The following CCDC60 variants were observed in gnomAD, a reference collection of about 807,000 sequenced individuals.
The protein encoded by CCDC60 is coiled-coil domain-containing protein 60.
Under a neutral mutation model 63.5 loss-of-function variants are expected in CCDC60, and 54 were observed. The ratio of observed to expected loss-of-function variants is 0.85; its 90% CI spans 0.68 to 1.07. The LOEUF (loss-of-function observed/expected upper bound fraction) is 1.07. Ranked by LOEUF, CCDC60 falls within the 50% of genes least tolerant of loss-of-function variation. CCDC60 has a pLI of 0.00. For missense variants in CCDC60, 651 were observed against 684.3 expected (o/e 0.95, Z 0.54); for synonymous variants, 206 against 238.8 (o/e 0.86, Z 1.27).
intron 1 of CCDC60, among the ~76,000 whole-genome samples, chr12:119,364,082 C>A (rs1442447711): frequency 6.6e-6 from 1 of 152,196 alleles, no homozygotes; most frequent in African/African-American, 2.4e-5. Flanking sequence ...CTAACTGCCA[C>A]AACCTACTCA....
chr12:119,431,659 CTGTGTT>C (rs1209818910), intron 2 of CCDC60, among the ~76,000 whole-genome samples: 1 of 150,210 alleles, frequency 6.7e-6, no homozygotes, highest in Admixed American at 6.7e-5. Flanking sequence ...TTTTGTTTTT[CTGTGTT>C]TGTGTTTGTT....
intron 2 of CCDC60, among the ~76,000 whole-genome samples, chr12:119,470,833 C>T (rs984653030): frequency 5.9e-5 from 9 of 152,134 alleles, no homozygotes; most frequent in Non-Finnish European, 1.5e-5. Flanking sequence ...CATCATGTAT[C>T]TCTCTCTCCC....
intron 2 of CCDC60, among the ~76,000 whole-genome samples, chr12:119,462,008 C>G (rs1055117047): frequency 1.3e-5 from 2 of 152,180 alleles, no homozygotes; most frequent in Non-Finnish European, 2.9e-5. Flanking sequence ...GACATGAAGG[C>G]CCAGACCCTC....
intron 2 of CCDC60, among the ~76,000 whole-genome samples, chr12:119,441,728 G>C (rs1441491304): frequency 6.6e-6 from 1 of 152,198 alleles, no homozygotes; most frequent in Non-Finnish European, 1.5e-5. Context: ...CTTGGAGTCT[G>C]TTCTCTCTCA....
intron 2 of CCDC60, among the ~76,000 whole-genome samples, chr12:119,434,850 A>G (rs1950297784): frequency 6.6e-6 from 1 of 152,084 alleles, no homozygotes; most frequent in Non-Finnish European, 1.5e-5. Context: ...CTCAGCCCAC[A>G]CGCTGCCTTG....
intron 1 of CCDC60, among the ~76,000 whole-genome samples, chr12:119,370,306 T>C (rs988789438): frequency 6.6e-6 from 1 of 152,224 alleles, no homozygotes; most frequent in Non-Finnish European, 1.5e-5. Context: ...AGGCAGACAG[T>C]GCGCCCCGTG....
chr12:119,533,458 A>G (rs11064824), intron 13 of CCDC60, among the ~76,000 whole-genome samples: 20,070 of 152,078 alleles, frequency 0.13, 1,375 homozygotes, highest in East Asian at 0.24. Context: ...TTTTGTTGCC[A>G]TTGCTTTTGG....
intron 12 of CCDC60, among the ~76,000 whole-genome samples, chr12:119,529,983 T>C (rs1184111062): frequency 6.6e-6 from 1 of 152,178 alleles, no homozygotes; most frequent in Non-Finnish European, 1.5e-5. Flanking sequence ...TGTTGAGTTG[T>C]AGTTGTTCAT....
At chr12:119,500,055 T>A (rs755987121) in intron 5 of CCDC60, 23 bp from the exon 6 acceptor site, 2 of 1,519,114 alleles carry the variant, frequency 1.3e-6, no homozygotes, top group Non-Finnish European at 1.8e-6. Flanking sequence ...AACGGAAAAC[T>A]CATTAAGCTG....
At chr12:119,505,044 C>A in intron 6 of CCDC60, 25 bp from the exon 7 acceptor site, 1 of 1,533,252 alleles carries the variant, frequency 6.5e-7, no homozygotes, top group Non-Finnish European at 8.9e-7. Flanking sequence ...CTTCCTGAAA[C>A]CTCTCTTTCT....
chr12:119,512,894 CAA>C (rs1181518565), intron 7 of CCDC60, among the ~76,000 whole-genome samples: 2 of 152,148 alleles, frequency 1.3e-5, no homozygotes, highest in Non-Finnish European at 2.9e-5. Flanking sequence ...AAAACCATCT[CAA>C]AAGTCTCCTC....
chr12:119,357,090 A>G (rs960304459), intron 1 of CCDC60, among the ~76,000 whole-genome samples: 5 of 152,314 alleles, frequency 3.3e-5, no homozygotes, highest in South Asian at 4.1e-4. Flanking sequence ...TTGTAGCACC[A>G]TTAAGAGATG....
At chr12:119,473,304 G>GA (rs1951103726) in intron 3 of CCDC60, among the ~76,000 whole-genome samples, 3 of 152,210 alleles carry the variant, frequency 2.0e-5, no homozygotes, top group Non-Finnish European at 4.4e-5. Context: ...ATGCAGGGTA[G>GA]AAAAATGGCC....
intron 2 of CCDC60, among the ~76,000 whole-genome samples, chr12:119,457,560 A>G (rs1362562085): frequency 2.0e-5 from 3 of 152,254 alleles, no homozygotes. Flanking sequence ...CTGTATACAC[A>G]ATATGCTACC....
At chr12:119,353,835 T>C (rs1955687802) in intron 1 of CCDC60, among the ~76,000 whole-genome samples, 1 of 152,082 alleles carries the variant, frequency 6.6e-6, no homozygotes, top group Admixed American at 6.5e-5. Flanking sequence ...CACTTTGGTA[T>C]GCCAAGGCGA....
intron 2 of CCDC60, among the ~76,000 whole-genome samples, chr12:119,464,938 C>A (rs1186126077): frequency 6.6e-6 from 1 of 152,180 alleles, no homozygotes; most frequent in Non-Finnish European, 1.5e-5. Flanking sequence ...GAAGTCCAAC[C>A]CCCAGGAACT....
intron 1 of CCDC60, among the ~76,000 whole-genome samples, chr12:119,358,471 C>G (rs1357016154): frequency 6.6e-6 from 1 of 152,154 alleles, no homozygotes; most frequent in Non-Finnish European, 1.5e-5. Flanking sequence ...TTCCCAGTCT[C>G]CATTTTGAGC....
At chr12:119,415,776 A>C (rs1956687537) in intron 1 of CCDC60, among the ~76,000 whole-genome samples, 1 of 152,274 alleles carries the variant, frequency 6.6e-6, no homozygotes, top group African/African-American at 2.4e-5. Flanking sequence ...GTAACATTCT[A>C]GGCTGTGCAG....
intron 12 of CCDC60, among the ~76,000 whole-genome samples, chr12:119,529,189 G>A (rs1038069998): frequency 6.6e-6 from 1 of 152,142 alleles, no homozygotes; most frequent in African/African-American, 2.4e-5. Context: ...GCATAAGGGT[G>A]ATGATAAGTA....
Sources: allele counts gnomAD v4.1 joint callset (sites outside exome capture counted in the v4.1 genomes callset), GRCh38; gene constraint gnomAD v4.1.1; transcripts MANE v1.5; gene names NCBI Gene and HGNC (gene_info 2026-07-23, HGNC 2026-07-21).